BMAL2: variants seen among roughly 807,000 people sequenced by gnomAD.
The protein encoded by BMAL2 is basic helix-loop-helix ARNT-like protein 2.
chr12:27,333,198 C>T, the BMAL2 span: 60 of 1,161,496 alleles, frequency 5.2e-5, no homozygotes, highest in African/African-American at 5.6e-4. Flanking sequence ...GCCCCCGCTG[C>T]CCCGAGGGAA....
chr12:27,402,797 G>C, the BMAL2 span: 2 of 926,134 alleles, frequency 2.2e-6, no homozygotes, highest in Non-Finnish European at 3.1e-6. Flanking sequence ...TAGTTCTGCA[G>C]GTTGGGTTAT....
the BMAL2 span, among the ~76,000 whole-genome samples, chr12:27,396,328 A>T: frequency 2.0e-5 from 3 of 152,242 alleles, no homozygotes; most frequent in Admixed American, 6.5e-5. Flanking sequence ...GAGTGAGTGA[A>T]TAATTATTAA....
chr12:27,354,230 C>T, the BMAL2 span, among the ~76,000 whole-genome samples: 1 of 152,156 alleles, frequency 6.6e-6, no homozygotes, highest in South Asian at 2.1e-4. Context: ...GGGAGTGCTA[C>T]ACAGCCATAA....
chr12:27,420,308 T>C, the BMAL2 span: 1 of 1,550,622 alleles, frequency 6.4e-7, no homozygotes, highest in Non-Finnish European at 8.8e-7. Context: ...CCATTTTTTA[T>C]CACAATCATT....
chr12:27,390,520 G>A, the BMAL2 span: 508 of 290,254 alleles, frequency 1.8e-3, 3 homozygotes, highest in African/African-American at 0.01. Context: ...GACAAGAGAT[G>A]GAAATAAAAC....
chr12:27,387,130 C>A, the BMAL2 span: 1 of 787,882 alleles, frequency 1.3e-6, no homozygotes. Flanking sequence ...GTTTTATTGC[C>A]ACAGTAATTT....
chr12:27,376,967 C>A, the BMAL2 span, among the ~76,000 whole-genome samples: 6 of 138,132 alleles, frequency 4.3e-5, no homozygotes, highest in Non-Finnish European at 1.5e-5. Context: ...CGCCACTGCA[C>A]TCCAGCCTGG....
At chr12:27,417,810 G>A in the BMAL2 span, among the ~76,000 whole-genome samples, 11 of 151,732 alleles carry the variant, frequency 7.2e-5, no homozygotes, top group African/African-American at 2.2e-4. Flanking sequence ...TGGCTAACAC[G>A]GTGAAACCCC....
the BMAL2 span, among the ~76,000 whole-genome samples, chr12:27,345,636 A>C: frequency 3.3e-5 from 5 of 152,146 alleles, no homozygotes; most frequent in Non-Finnish European, 7.3e-5. Context: ...CTGGTGTCAC[A>C]GACGCATGCC....
chr12:27,357,209 A>G, the BMAL2 span, among the ~76,000 whole-genome samples: 2 of 152,222 alleles, frequency 1.3e-5, no homozygotes, highest in South Asian at 4.1e-4. Flanking sequence ...TGCTGCTGTA[A>G]ACATGCATGT....
At chr12:27,410,692 A>G in the BMAL2 span, among the ~76,000 whole-genome samples, 1 of 152,172 alleles carries the variant, frequency 6.6e-6, no homozygotes, top group Admixed American at 6.5e-5. Flanking sequence ...ACATGTATAC[A>G]TATGTAAGAA....
At chr12:27,343,412 G>A in the BMAL2 span, among the ~76,000 whole-genome samples, 1 of 152,176 alleles carries the variant, frequency 6.6e-6, no homozygotes, top group African/African-American at 2.4e-5. Context: ...TACTTGAGTT[G>A]TCGGGAATCA....
At chr12:27,420,017 G>GCA in the BMAL2 span, among the ~76,000 whole-genome samples, 2 of 30,400 alleles carry the variant, frequency 6.6e-5, no homozygotes, top group African/African-American at 3.8e-4. Context: ...GGGTTTGCGC[G>GCA]TGCACACACA....
chr12:27,374,401 G>A, the BMAL2 span, among the ~76,000 whole-genome samples: 1 of 152,170 alleles, frequency 6.6e-6, no homozygotes, highest in Non-Finnish European at 1.5e-5. Flanking sequence ...ATCTAGAGAT[G>A]ATTTAAAGTA....
chr12:27,420,358 T>A, the BMAL2 span: 1 of 1,609,846 alleles, frequency 6.2e-7, no homozygotes, highest in Non-Finnish European at 8.5e-7. Flanking sequence ...ACTTTACTGA[T>A]CACCTTTACT....
At chr12:27,369,179 T>G in the BMAL2 span, among the ~76,000 whole-genome samples, 1 of 152,324 alleles carries the variant, frequency 6.6e-6, no homozygotes, top group East Asian at 1.9e-4. Context: ...GTACTTTACA[T>G]AAATGTGAGA....
At chr12:27,373,017 G>C in the BMAL2 span, among the ~76,000 whole-genome samples, 1 of 152,314 alleles carries the variant, frequency 6.6e-6, no homozygotes, top group South Asian at 2.1e-4. Flanking sequence ...ATCCTGGTAG[G>C]AGGGAGTGGT....
At chr12:27,350,987 A>AC in the BMAL2 span, among the ~76,000 whole-genome samples, 5 of 57,516 alleles carry the variant, frequency 8.7e-5, no homozygotes, top group Non-Finnish European at 1.7e-4. Flanking sequence ...GACCCCACCC[A>AC]CCCCCCCTTT....
At chr12:27,400,867 C>A in the BMAL2 span, 1 of 1,098,636 alleles carries the variant, frequency 9.1e-7, no homozygotes, top group South Asian at 2.0e-5. Flanking sequence ...TTTTCTTTTT[C>A]TTTTTTCTGT....
Sources: allele counts gnomAD v4.1 joint callset (sites outside exome capture counted in the v4.1 genomes callset), GRCh38; gene constraint gnomAD v4.1.1; transcripts MANE v1.5; gene names NCBI Gene and HGNC (gene_info 2026-07-23, HGNC 2026-07-21).